Variants in PEAR1 observed in about 807,000 individuals in gnomAD.
PEAR1 encodes the protein multiple EGF-like domains protein 12.
Under a neutral mutation model 131.2 loss-of-function variants are expected in PEAR1, and 113 were observed. The observed-to-expected ratio is 0.86, with a 90% confidence interval of 0.74 to 1.01. PEAR1 has a LOEUF of 1.01. PEAR1 is among the 50% of genes least tolerant of loss of function. The pLI is 0.00. For missense variants in PEAR1, 1,408 were observed against 1,391.1 expected (o/e 1.01, Z -0.19); for synonymous variants, 565 against 523.3 (o/e 1.08, Z -1.09).
Position 156,913,768 on chromosome 1 carries a change from C to CA in PEAR1, c.2713+9dup, listed in dbSNP as rs748657407. 1 of 1,613,404 alleles carries CA rather than the reference C, an allele frequency of 6.2e-7. No homozygotes were observed. The highest frequency in any genetic ancestry group is 1.3e-5 in the African/African-American group (1 of 74,934). ...GCCCATTCTACAATAAAGGTATGGG[C>CA]ACAGGGGCAACAAGGGAGGTGGCTG... is the stretch of plus-strand genomic sequence containing the variant. On this transcript the variant is annotated intron_variant, in intron 21 of 22. Transcript: ENST00000292357.
intron 15 of PEAR1, among the ~76,000 whole-genome samples, chr1:156,911,098 CT>C (rs1651077821): frequency 8.6e-6 from 1 of 116,426 alleles, no homozygotes; most frequent in African/African-American, 3.9e-5. Context: ...TCTTTCCTTT[CT>C]TTCTTTCTTT....
chr1:156,902,562 G>A lies in PEAR1; in HGVS notation c.-9-1356G>A, dbSNP rs1380329558. ...GGGAAGGAGCGGCTGCCCTTCTTGGGGCTGAGAGTGGCTTTGGGGACCCTG... is the reference window on the plus strand; with the variant it reads ...GGGAAGGAGCGGCTGCCCTTCTTGGAGCTGAGAGTGGCTTTGGGGACCCTG... On this transcript the variant is annotated intron_variant, in intron 1 of 22. Transcript: ENST00000292357. This position sits in a 1 kb window ranked among gnomAD's most constrained non-coding sequence, Gnocchi z 4.3. Among the ~76,000 whole-genome samples the A allele has an allele frequency of 6.6e-6, 1 of 152,092 alleles. No homozygotes were observed. The highest frequency in any genetic ancestry group is 1.5e-5 in the Non-Finnish European group (1 of 68,012).
intron 15 of PEAR1, among the ~76,000 whole-genome samples, chr1:156,911,085 CT>C (rs71752469): frequency 8.3e-6 from 1 of 120,580 alleles, no homozygotes; most frequent in Non-Finnish European, 1.7e-5. Flanking sequence ...TTCTTTCTTT[CT>C]TTCTTTCCTT....
chr1:156,909,751 G>T lies in PEAR1; in HGVS notation c.1412G>T (p.Gly471Val), dbSNP rs1454089237. The change falls in exon 12 of 23, where the codon GGT becomes GTT. Residue 471 changes from glycine (G) to valine (V), a missense_variant and splice_region_variant. Coordinates refer to ENST00000292357, the MANE Select transcript of PEAR1 (RefSeq NM_001080471.3). ...CCTACCTACCAGGCCCCTCCTCCAG[G>T]TTGGCAGCGTGGTAACTGCTCTGTG... is the stretch of plus-strand genomic sequence containing the variant. Reference protein sequence around the residue: ...PIDGECVCKEGWQRGNCSVPC... With the variant: ...PIDGECVCKEVWQRGNCSVPC... The T allele has an allele frequency of 6.3e-7, 1 of 1,598,742 alleles. No individual in the cohort carries two copies. Among genetic ancestry groups the T allele is most frequent in the Non-Finnish European group, 8.6e-7 (1 of 1,169,538 alleles).
chr1:156,901,163 T>C (rs1649642646), intron 1 of PEAR1, among the ~76,000 whole-genome samples: 1 of 152,198 alleles, frequency 6.6e-6, no homozygotes, highest in Non-Finnish European at 1.5e-5. Context: ...TTCCAGCCCC[T>C]GGGCTGACCA....
intron 20 of PEAR1, 65 bp downstream of exon 20, chr1:156,913,588 AGT>A: frequency 1.2e-6 from 2 of 1,602,498 alleles, no homozygotes; most frequent in East Asian, 2.2e-5. Flanking sequence ...GCCGCGTCTG[AGT>A]GTGTGTGTCT....
At chr1:156,899,126 A>T (rs1024254426) in intron 1 of PEAR1, among the ~76,000 whole-genome samples, 2 of 152,124 alleles carry the variant, frequency 1.3e-5, no homozygotes, top group African/African-American at 4.8e-5. Flanking sequence ...GCCCTGAGAG[A>T]TGGCGGGGAG....
At chr1:156,903,581 A>AC (rs530453404) in intron 1 of PEAR1, among the ~76,000 whole-genome samples, 3 of 151,934 alleles carry the variant, frequency 2.0e-5, no homozygotes, top group Admixed American at 6.6e-5. Context: ...TGATACTGGG[A>AC]CCCCCAGAAG....
In PEAR1 at chr1:156,906,276, C is replaced by A. The variant is rs778026543; in HGVS notation, c.308C>A (p.Pro103Gln). The change falls in exon 5 of 23, where the codon CCG (proline) becomes CAG (glutamine). Residue 103 changes from proline to glutamine, a missense_variant and splice_region_variant. Pro to Gln is a moderately conservative substitution (Grantham distance 76). Coordinates refer to ENST00000292357, the MANE Select transcript of PEAR1 (RefSeq NM_001080471.3). ...GFYESRGFCV[P>Q]LCAQECVHGR... ...CTCACCACACCCATCTCTGTCCCAG[C>A]GCTCTGTGCCCAGGAGTGTGTCCAT... 1.9e-6 allele frequency: 3 copies of A among 1,614,056 alleles called. No homozygotes were observed. The highest frequency in any genetic ancestry group is 1.7e-5 in the Admixed American group (1 of 60,018).
chr1:156,908,350 G>T lies in PEAR1; in HGVS notation c.1115+10G>T. ...GGGAGCACAGCCTCAGGTGGGCCGCGGGACATGTGGTCAAAGGATCAGGAG... is the reference window on the plus strand; with the variant it reads ...GGGAGCACAGCCTCAGGTGGGCCGCTGGACATGTGGTCAAAGGATCAGGAG... On this transcript the variant is annotated intron_variant, in intron 9 of 22. Coordinates refer to ENST00000292357, the MANE Select transcript of PEAR1 (RefSeq NM_001080471.3). This position sits in a 1 kb window ranked among gnomAD's most constrained non-coding sequence, Gnocchi z 4.2. The T allele has an allele frequency of 6.7e-7, 1 of 1,499,718 alleles. No individual in the cohort carries two copies. The allele number at this position is 1,499,718 out of a possible 1,614,324, so 92.9% of individuals were successfully genotyped here.
chr1:156,909,692 T>G, intron 11 of PEAR1, 59 bp from the exon 12 acceptor site: 1 of 1,538,584 alleles, frequency 6.5e-7, no homozygotes, highest in Non-Finnish European at 8.8e-7. Context: ...GCTCCCACTG[T>G]GTGCTTGCTC....
Position 156,912,229 on chromosome 1 carries a change from G to T in PEAR1, c.1952-18G>T, listed in dbSNP as rs1356359527. The T allele has an allele frequency of 6.2e-7, 1 of 1,603,256 alleles. No individual in the cohort carries two copies. Among genetic ancestry groups the T allele is most frequent in the East Asian group, 2.2e-5 (1 of 44,774 alleles). ...AAGCTGTACCTGCCCCACCAGACAG[G>T]CCCCATGTCTCCCGTAGCATGCCCT... On this transcript the variant is annotated intron_variant, in intron 15 of 22. Coordinates refer to ENST00000292357, the MANE Select transcript of PEAR1 (RefSeq NM_001080471.3).
rs1558143420 is a variant in PEAR1, at chr1:156,911,049, C to CTT, written c.1951+308_1951+309dup. On this transcript the variant is annotated intron_variant, in intron 15 of 22. Transcript: ENST00000292357. ...TCTCTTGATTTCTTTTTCTTTCTTT[C>CTT]TTTCTTTCTTTCTTTCTTTCTTTCT... Among the ~76,000 whole-genome samples the CTT allele has an allele frequency of 5.5e-5, 6 of 109,094 alleles. No homozygotes were observed. In the South Asian group the frequency reaches 2.2e-3, roughly 39 times the overall value. 71.6% of individuals were successfully genotyped at this position (109,094 alleles called of 152,430 possible). A position where few individuals can be genotyped will look rare whatever the true frequency, so the allele number is the denominator to read the frequency against.
intron 1 of PEAR1, 116 bp downstream of exon 1, chr1:156,893,953 A>C (rs1172672336): frequency 6.6e-6 from 1 of 152,400 alleles, no homozygotes; most frequent in Non-Finnish European, 1.5e-5. Flanking sequence ...CTGGAGTCTG[A>C]GGCCCCAGAC....
Position 156,910,311 on chromosome 1 carries a change from G to A in PEAR1, c.1756G>A (p.Gly586Ser), listed in dbSNP as rs867395568. 1.2e-6 allele frequency: 2 copies of A among 1,613,482 alleles called. No individual in the cohort carries two copies. Among genetic ancestry groups the A allele is most frequent in the African/African-American group, 1.3e-5 (1 of 75,014 alleles). ...CSNTCTCKNG[G>S]TCLPENGNCV... ...CAACACCTGCACCTGCAAGAATGGG[G>A]GCACCTGTCTCCCTGAGAATGGCAA... The change falls in exon 14 of 23, where the codon GGC becomes AGC. Residue 586 changes from glycine (G) to serine (S), a missense_variant. Gly to Ser is a moderately conservative substitution (Grantham distance 56). Transcript: ENST00000292357.
intron 15 of PEAR1, among the ~76,000 whole-genome samples, chr1:156,911,047 T>TTCTC (rs764227158): frequency 9.3e-6 from 1 of 107,414 alleles, no homozygotes; most frequent in Non-Finnish European, 1.7e-5. Context: ...TTTTCTTTCT[T>TTCTC]TCTTTCTTTC....
At position 156,908,189 on chromosome 1, in the gene PEAR1, G is replaced by A. The variant is rs915083860; in HGVS notation, c.964G>A (p.Ala322Thr). The change falls in exon 9 of 23, where the codon GCC becomes ACC. Residue 322 changes from alanine (A) to threonine (T), a missense_variant. Coordinates refer to ENST00000292357, the MANE Select transcript of PEAR1 (RefSeq NM_001080471.3). This position sits in a 1 kb window ranked among gnomAD's most constrained non-coding sequence, Gnocchi z 4.2. ...GGACTGTGCTGAGACGTGCGACTGCGCCCCGGACGCCCGTTGCTTCCCGGC... is the reference window on the plus strand; with the variant it reads ...GGACTGTGCTGAGACGTGCGACTGCACCCCGGACGCCCGTTGCTTCCCGGC... ...GQDCAETCDC[A>T]PDARCFPANG... 2.5e-6 allele frequency: 4 copies of A among 1,602,946 alleles called. No individual in the cohort carries two copies. The highest frequency in any genetic ancestry group is 1.1e-5 in the South Asian group (1 of 90,428).
chr1:156,908,005 C>G lies in PEAR1; in HGVS notation c.856C>G (p.Arg286Gly). 1.3e-6 allele frequency: 2 copies of G among 1,572,688 alleles called. No individual in the cohort carries two copies. The highest frequency in any genetic ancestry group is 1.7e-6 in the Non-Finnish European group (2 of 1,158,624). ...CTGCCACAACGGCGGCCTCTGTGAC[C>G]GATTCACTGGGCAGTGCCGCTGCGC... ...CRCHNGGLCDRFTGQCRCAPG... is the reference protein window; with the variant it reads ...CRCHNGGLCDGFTGQCRCAPG... Residue 286 changes from arginine to glycine, a missense_variant, in exon 8 of 23, where the codon CGA becomes GGA. Arg to Gly is a moderately radical substitution (Grantham distance 125). Coordinates refer to ENST00000292357, the MANE Select transcript of PEAR1 (RefSeq NM_001080471.3). The surrounding 1 kb of genome is among the most constrained non-coding windows in gnomAD (Gnocchi z 4.2).
At chr1:156,906,099 A>G (rs2102991412) in intron 4 of PEAR1, among the ~76,000 whole-genome samples, 177 bp from the exon 5 acceptor site, 1 of 152,328 alleles carries the variant, frequency 6.6e-6, no homozygotes, top group Admixed American at 6.5e-5. Flanking sequence ...GAACACTGGC[A>G]TCTTGCTAAG....
Sources: allele counts gnomAD v4.1 joint callset (sites outside exome capture counted in the v4.1 genomes callset), GRCh38; gene constraint gnomAD v4.1.1; non-coding constraint Gnocchi (gnomAD v3.1); transcripts MANE v1.5; gene names NCBI Gene and HGNC (gene_info 2026-07-23, HGNC 2026-07-21).